The following ASTN1 variants were observed in gnomAD, a reference collection of about 807,000 sequenced individuals.
ASTN1 encodes the protein astrotactin 1.
In ASTN1, 41 loss-of-function variants were observed where a neutral mutation model predicts 140.7. That is an observed-to-expected ratio of 0.29 (90% CI 0.23 to 0.38). ASTN1 has a LOEUF of 0.38. Ranked by LOEUF, ASTN1 falls within the 10% of genes least tolerant of loss-of-function variation. The pLI, the probability that ASTN1 is intolerant of heterozygous loss-of-function variation, is 1.00. For missense variants in ASTN1, 1,479 were observed against 1,678.8 expected (o/e 0.88, Z 2.08); for synonymous variants, 640 against 652.2 (o/e 0.98, Z 0.29).
chr1:177,029,589 A>T (rs761685815), intron 5 of ASTN1, 45 bp downstream of exon 5: 1 of 1,581,392 alleles, frequency 6.3e-7, no homozygotes, highest in Non-Finnish European at 8.7e-7. Flanking sequence ...CGCCTCCCTC[A>T]CTCCCAGATC....
chr1:176,937,782 T>C (rs755677103), intron 14 of ASTN1, among the ~76,000 whole-genome samples: 1 of 152,158 alleles, frequency 6.6e-6, no homozygotes, highest in African/African-American at 2.4e-5. Flanking sequence ...GTGTGGTGTG[T>C]GCACATGTCT....
At chr1:177,112,771 A>T (rs1680883268) in intron 1 of ASTN1, among the ~76,000 whole-genome samples, 1 of 152,162 alleles carries the variant, frequency 6.6e-6, no homozygotes, top group Non-Finnish European at 1.5e-5. Flanking sequence ...CCTTTCACAC[A>T]GCTTAGACAG....
chr1:176,993,284 A>C (rs1348366809), intron 8 of ASTN1, among the ~76,000 whole-genome samples: 1 of 152,214 alleles, frequency 6.6e-6, no homozygotes, highest in Non-Finnish European at 1.5e-5. Flanking sequence ...CATGTCCTTA[A>C]GGAGTTTACA....
intron 1 of ASTN1, among the ~76,000 whole-genome samples, chr1:177,150,610 G>T (rs1265453703): frequency 5.9e-5 from 9 of 152,142 alleles, no homozygotes; most frequent in Admixed American, 5.2e-4. Context: ...GAGAAAGCTG[G>T]AAAGAAGAAT....
intron 1 of ASTN1, among the ~76,000 whole-genome samples, chr1:177,151,030 G>A (rs367911801): frequency 1.4e-3 from 220 of 152,190 alleles, no homozygotes; most frequent in African/African-American, 5.0e-3. Context: ...GGCAGGAGTT[G>A]TCATAGCAGA....
chr1:177,062,679 CA>C (rs1268530136), intron 1 of ASTN1, among the ~76,000 whole-genome samples: 9 of 151,858 alleles, frequency 5.9e-5, no homozygotes, highest in Non-Finnish European at 1.3e-4. Flanking sequence ...CATCAAGTAC[CA>C]CAACCATAAA....
intron 2 of ASTN1, among the ~76,000 whole-genome samples, chr1:177,058,614 A>T (rs960100359): frequency 6.6e-6 from 1 of 152,198 alleles, no homozygotes; most frequent in Non-Finnish European, 1.5e-5. Context: ...AGGGTTTTTC[A>T]TATGGGTTGT....
chr1:177,036,257 G>A (rs992818584), intron 2 of ASTN1, among the ~76,000 whole-genome samples: 1 of 151,628 alleles, frequency 6.6e-6, no homozygotes, highest in Non-Finnish European at 1.5e-5. Context: ...TCCATGTTGA[G>A]GCTGGTCTCA....
chr1:177,149,736 ACT>A (rs1682942273), intron 1 of ASTN1, among the ~76,000 whole-genome samples: 4 of 73,384 alleles, frequency 5.5e-5, no homozygotes, highest in Admixed American at 1.7e-4. Context: ...ATATATATAC[ACT>A]GTATATACAT....
At chr1:176,905,882 G>A (rs1202491037) in intron 16 of ASTN1, among the ~76,000 whole-genome samples, 2 of 152,232 alleles carry the variant, frequency 1.3e-5, no homozygotes, top group Non-Finnish European at 2.9e-5. Context: ...GTTGGTGAGG[G>A]AGATTCATGT....
chr1:177,022,821 G>A (rs964977340), intron 7 of ASTN1, among the ~76,000 whole-genome samples: 6 of 152,146 alleles, frequency 3.9e-5, no homozygotes, highest in African/African-American at 1.4e-4. Context: ...ATACCAAATG[G>A]CCATTAAAAT....
At chr1:176,942,866 A>ATT (rs1385017638) in intron 14 of ASTN1, among the ~76,000 whole-genome samples, 2,992 of 69,818 alleles carry the variant, frequency 0.043, 862 homozygotes, top group Middle Eastern at 0.1. Flanking sequence ...ATATATATAT[A>ATT]GATTGATGTC....
At chr1:177,086,084 C>A (rs2102088953) in intron 1 of ASTN1, among the ~76,000 whole-genome samples, 1 of 152,230 alleles carries the variant, frequency 6.6e-6, no homozygotes, top group Non-Finnish European at 1.5e-5. Context: ...AAAAGTGCTT[C>A]AAACTCAATA....
At chr1:176,991,436 C>CAAAAAA (rs1173420812) in intron 8 of ASTN1, among the ~76,000 whole-genome samples, 1 of 13,834 alleles carries the variant, frequency 7.2e-5, no homozygotes, top group African/African-American at 2.1e-4. Context: ...AAAAAAAAAC[C>CAAAAAA]AAAAAAAAAA....
chr1:176,872,262 C>A (rs1668381003), intron 21 of ASTN1, among the ~76,000 whole-genome samples: 1 of 150,192 alleles, frequency 6.7e-6, no homozygotes, highest in African/African-American at 2.5e-5. Flanking sequence ...GATTTATCAA[C>A]TAAAATTGTT....
intron 1 of ASTN1, among the ~76,000 whole-genome samples, chr1:177,164,146 C>A (rs917875935): frequency 6.6e-6 from 1 of 152,072 alleles, no homozygotes; most frequent in African/African-American, 2.4e-5. Flanking sequence ...ACTCATGCAA[C>A]CTGTTTCTTT....
At chr1:176,946,411 G>A (rs1019626440) in intron 12 of ASTN1, among the ~76,000 whole-genome samples, 1 of 152,014 alleles carries the variant, frequency 6.6e-6, no homozygotes, top group Non-Finnish European at 1.5e-5. Context: ...ACCCAAATAG[G>A]TCAGGGTAAG....
At chr1:177,005,248 T>C (rs1674935149) in intron 8 of ASTN1, among the ~76,000 whole-genome samples, 1 of 152,134 alleles carries the variant, frequency 6.6e-6, no homozygotes, top group East Asian at 1.9e-4. Context: ...TTATTAATCA[T>C]CGGGGAAATG....
intron 1 of ASTN1, among the ~76,000 whole-genome samples, chr1:177,076,881 G>A (rs1678939600): frequency 6.6e-6 from 1 of 152,116 alleles, no homozygotes; most frequent in South Asian, 2.1e-4. Flanking sequence ...ACTTTGAGAA[G>A]TAGCTCACTC....
Sources: gnomAD v4.1 joint callset for allele counts (sites outside exome capture counted in the v4.1 genomes callset) on GRCh38, gnomAD v4.1.1 for gene constraint, MANE v1.5 for transcripts, NCBI Gene and HGNC (gene_info 2026-07-23, HGNC 2026-07-21) for gene names.